The following CATSPERE variants were observed in gnomAD, a reference collection of about 807,000 sequenced individuals.
CATSPERE encodes catsper channel auxiliary subunit epsilon, also known as cation channel sperm-associated auxiliary subunit epsilon.
A neutral mutation model predicts 114.1 loss-of-function variants in CATSPERE; 93 were observed. That is an observed-to-expected ratio of 0.81 (90% confidence interval 0.69 to 0.97). The LOEUF (loss-of-function observed/expected upper bound fraction) is 0.97, where lower values mean the gene tolerates loss of function less well. Ranked by LOEUF, CATSPERE falls within the 50% of genes least tolerant of loss-of-function variation. The pLI, the probability that CATSPERE is intolerant of heterozygous loss-of-function variation, is 0.00. For missense variants in CATSPERE, 1,058 were observed against 1,131.6 expected (o/e 0.93, Z 0.93); for synonymous variants, 341 against 384.1 (o/e 0.89, Z 1.31).
intron 8 of CATSPERE, among the ~76,000 whole-genome samples, chr1:244,541,890 A>C (rs1658819605): frequency 7.1e-6 from 1 of 141,828 alleles, no homozygotes; most frequent in African/African-American, 2.6e-5. Flanking sequence ...CATCATTCTC[A>C]GTAAACTATC....
intron 20 of CATSPERE, among the ~76,000 whole-genome samples, chr1:244,630,902 A>C (rs1258648457): frequency 6.6e-6 from 1 of 152,138 alleles, no homozygotes; most frequent in South Asian, 2.1e-4. Context: ...CATATCAACA[A>C]TTGAATATGA....
rs188345320 is a variant in CATSPERE, at chr1:244,475,683, C to T, written c.115-1858C>T. Among the ~76,000 whole-genome samples the T allele has an allele frequency of 1.4e-3, 213 of 151,370 alleles. 2 individuals are homozygous for T. Among genetic ancestry groups the T allele is most frequent in the African/African-American group, 5.0e-3 (205 of 41,248 alleles). ...TCCTGAGTAGCTGGGATTACAGGTG[C>T]GCACCACCACGCCTAGCTTATTTTT... On this transcript the variant is annotated intron_variant, in intron 2 of 21. Coordinates refer to ENST00000366534, the MANE Select transcript of CATSPERE (RefSeq NM_001130957.2).
intron 8 of CATSPERE, among the ~76,000 whole-genome samples, chr1:244,549,586 A>C (rs1223442976): frequency 6.6e-6 from 1 of 152,194 alleles, no homozygotes; most frequent in Non-Finnish European, 1.5e-5. Context: ...AAGAGTAAAC[A>C]TCACTCAAGG....
At chr1:244,489,450 A>G (rs77415964) in intron 5 of CATSPERE, among the ~76,000 whole-genome samples, 1 of 85,542 alleles carries the variant, frequency 1.2e-5, no homozygotes, top group Non-Finnish European at 2.1e-5. Flanking sequence ...AAGCATGCAG[A>G]TTTTTTTTTT....
intron 8 of CATSPERE, among the ~76,000 whole-genome samples, chr1:244,548,807 G>A (rs1350537525): frequency 6.6e-6 from 1 of 152,158 alleles, no homozygotes; most frequent in Non-Finnish European, 1.5e-5. Flanking sequence ...TCTGAATCAT[G>A]CCTAATATAT....
intron 3 of CATSPERE, 23 bp downstream of exon 3, chr1:244,477,637 C>T (rs1201078017): frequency 1.4e-6 from 2 of 1,396,150 alleles, no homozygotes; most frequent in South Asian, 1.2e-5. Flanking sequence ...CCATGAATAT[C>T]AATGTATGTG....
chr1:244,486,724 G>A (rs7549746), intron 5 of CATSPERE, among the ~76,000 whole-genome samples: 16,934 of 111,170 alleles, frequency 0.15, 1,287 homozygotes, highest in African/African-American at 0.23. Flanking sequence ...TCCAGCATGT[G>A]GAGTACTCGT....
intron 5 of CATSPERE, among the ~76,000 whole-genome samples, chr1:244,484,964 G>T (rs757591112): frequency 6.6e-6 from 1 of 151,750 alleles, no homozygotes; most frequent in African/African-American, 2.4e-5. Context: ...ATTTTTTCTT[G>T]TGTCTAGCTT....
chr1:244,512,164 GCT>G (rs1352510515), intron 7 of CATSPERE, among the ~76,000 whole-genome samples: 5 of 152,148 alleles, frequency 3.3e-5, no homozygotes, highest in African/African-American at 7.2e-5. Flanking sequence ...ACCTTCTGGA[GCT>G]CTCAAAATTC....
At chr1:244,537,357 T>C (rs1680539711) in intron 8 of CATSPERE, among the ~76,000 whole-genome samples, 1 of 152,256 alleles carries the variant, frequency 6.6e-6, no homozygotes, top group African/African-American at 2.4e-5. Flanking sequence ...CAGCCGTGCA[T>C]ACCTGGAGTA....
At chr1:244,547,959 C>T (rs1237554617) in intron 8 of CATSPERE, among the ~76,000 whole-genome samples, 2 of 152,140 alleles carry the variant, frequency 1.3e-5, no homozygotes, top group Non-Finnish European at 2.9e-5. Context: ...GAAGAAATGA[C>T]CAGACATGCT....
chr1:244,532,085 T>C (rs1300289924), intron 8 of CATSPERE, among the ~76,000 whole-genome samples: 1 of 152,192 alleles, frequency 6.6e-6, no homozygotes, highest in East Asian at 1.9e-4. Flanking sequence ...ATGTATCCAT[T>C]TCTTCTAGGA....
chr1:244,531,096 T>G, intron 8 of CATSPERE, among the ~76,000 whole-genome samples: 1 of 149,368 alleles, frequency 6.7e-6, no homozygotes, highest in Non-Finnish European at 1.5e-5. Flanking sequence ...AAAAGCCGGG[T>G]GTGGTGGCAT....
chr1:244,518,671 A>G lies in CATSPERE; in HGVS notation c.509A>G (p.Tyr170Cys), dbSNP rs142019600. ...CATACAGTTCTGAAGAGAAAAGTTT[A>G]TTCTTCAAATGAGAAAATGAGAAGG... ...VIHTVLKRKV[Y>C]SSNEKMRRGT... Residue 170 changes from tyrosine to cysteine, a missense_variant, in exon 8 of 22, where the codon TAT (tyrosine) becomes TGT (cysteine). By Grantham distance (194) the Tyr-to-Cys change is radical (BLOSUM62 -2). Transcript: ENST00000366534. 131 of 1,565,560 alleles carry G rather than the reference A, an allele frequency of 8.4e-5. 3 individuals carry two copies. In the South Asian group the frequency reaches 1.3e-3, roughly 15 times the overall value.
At chr1:244,469,448 C>T (rs549106834) in intron 2 of CATSPERE, among the ~76,000 whole-genome samples, 2 of 152,248 alleles carry the variant, frequency 1.3e-5, no homozygotes, top group African/African-American at 4.8e-5. Flanking sequence ...TTGAAACTAT[C>T]CCATACATAT....
Position 244,561,105 on chromosome 1 carries a change from A to C in CATSPERE, c.1467A>C (p.Ser489=). 1 of 1,607,910 alleles carries C rather than the reference A, an allele frequency of 6.2e-7. No homozygotes were observed. The highest frequency in any genetic ancestry group is 8.5e-7 in the Non-Finnish European group (1 of 1,175,332). Residue 489 remains serine, a synonymous_variant, in exon 10 of 22, where the codon TCA becomes TCC. Coordinates refer to ENST00000366534, the MANE Select transcript of CATSPERE (RefSeq NM_001130957.2). ...LQTPAGHGNL[S]MLSNDSIIHE... Reference sequence around the variant, plus strand: ...CACCTGCAGGACATGGAAATCTATCAATGCTATCAAATGACAGCATTATTC... The same window carrying C: ...CACCTGCAGGACATGGAAATCTATCCATGCTATCAAATGACAGCATTATTC...
chr1:244,594,737 T>G (rs1170104693), intron 17 of CATSPERE, among the ~76,000 whole-genome samples: 1 of 152,168 alleles, frequency 6.6e-6, no homozygotes, highest in Admixed American at 6.6e-5. Context: ...ATAGAAGTAA[T>G]GAATCAGACG....
intron 9 of CATSPERE, among the ~76,000 whole-genome samples, chr1:244,557,583 A>ATATATATATATATATATATAT (rs59833011): frequency 9.7e-6 from 1 of 103,490 alleles, no homozygotes; most frequent in Non-Finnish European, 1.9e-5. Context: ...ATATATATAT[A>ATATATATATATATATATATAT]AAATCTCCCA....
chr1:244,640,084 A>G lies in CATSPERE; in HGVS notation c.*3A>G. 6.5e-7 allele frequency: 1 copy of G among 1,544,366 alleles called. No individual in the cohort carries two copies. Among genetic ancestry groups the G allele is most frequent in the Non-Finnish European group, 8.8e-7 (1 of 1,141,700 alleles). ...AAAGAAAACGTAAGAAGAATTAGGA[A>G]AACTGAAAGTTTGTTTATTACAGAT... On this transcript the variant is annotated 3_prime_UTR_variant, in exon 22 of 22. Coordinates refer to ENST00000366534, the MANE Select transcript of CATSPERE (RefSeq NM_001130957.2).
Sources: gnomAD v4.1 joint callset for allele counts (sites outside exome capture counted in the v4.1 genomes callset) on GRCh38, gnomAD v4.1.1 for gene constraint, MANE v1.5 for transcripts, NCBI Gene and HGNC (gene_info 2026-07-23, HGNC 2026-07-21) for gene names.